CDKAL1: variants seen among roughly 807,000 people sequenced by gnomAD.
CDKAL1 encodes CDKAL1 threonylcarbamoyladenosine tRNA methylthiotransferase.
In CDKAL1, 32 loss-of-function variants were observed where a neutral mutation model predicts 68.2. The ratio of observed to expected loss-of-function variants is 0.47; its 90% CI spans 0.35 to 0.63. The LOEUF is 0.63. Ranked by LOEUF, CDKAL1 falls within the 30% of genes least tolerant of loss-of-function variation. CDKAL1 has a pLI of 0.00. For missense variants in CDKAL1, 606 were observed against 696.7 expected, an observed-to-expected ratio of 0.87 and a Z score of 1.47; for synonymous variants, 234 against 244.3, an observed-to-expected ratio of 0.96 and a Z score of 0.39.
intron 12 of CDKAL1, among the ~76,000 whole-genome samples, chr6:21,067,053 T>C (rs573513638): frequency 6.6e-6 from 1 of 152,328 alleles, no homozygotes; most frequent in African/African-American, 2.4e-5. Flanking sequence ...TCTTCTTTGC[T>C]AAAAAAGCTT....
chr6:20,974,813 T>G (rs1200994291), intron 10 of CDKAL1, among the ~76,000 whole-genome samples: 2 of 55,838 alleles, frequency 3.6e-5, no homozygotes, highest in Non-Finnish European at 8.1e-5. Context: ...ACCCAGTCTC[T>G]GCAAAAAAAA....
chr6:20,568,595 C>T (rs1413617190), intron 4 of CDKAL1, among the ~76,000 whole-genome samples: 1 of 151,698 alleles, frequency 6.6e-6, no homozygotes, highest in African/African-American at 2.4e-5. Flanking sequence ...ATTAGCCGGG[C>T]GTGGTGGCGG....
intron 12 of CDKAL1, among the ~76,000 whole-genome samples, chr6:21,104,402 C>T (rs543713478): frequency 1.2e-4 from 19 of 152,122 alleles, no homozygotes; most frequent in South Asian, 4.2e-4. Flanking sequence ...GGACTACTGC[C>T]GGAAGTAGAC....
chr6:20,596,718 A>C (rs1490522062), intron 4 of CDKAL1, among the ~76,000 whole-genome samples: 2 of 152,122 alleles, frequency 1.3e-5, no homozygotes, highest in Admixed American at 1.3e-4. Context: ...TATGTAGAAA[A>C]ACTCCTGCAG....
chr6:20,584,903 A>C (rs1765281872), intron 4 of CDKAL1, among the ~76,000 whole-genome samples: 1 of 152,144 alleles, frequency 6.6e-6, no homozygotes, highest in African/African-American at 2.4e-5. Flanking sequence ...ATCTGAGGCC[A>C]GCTCCGTTAC....
Position 20,827,125 on chromosome 6 carries a change from A to G in CDKAL1, c.639-18950A>G, listed in dbSNP as rs113948333. 4.4e-3 allele frequency among the ~76,000 whole-genome samples: 669 copies of G among 152,288 alleles called. 3 individuals carry two copies. The highest frequency in any genetic ancestry group is 0.015 in the African/African-American group (641 of 41,572). On this transcript the variant is annotated intron_variant, in intron 8 of 15. Transcript: ENST00000274695. ...TCAAAATCGTCTTTATTTCCCCAATATGTTATGACAGGTGGTATGTGTAAT... is the reference window on the plus strand; with the variant it reads ...TCAAAATCGTCTTTATTTCCCCAATGTGTTATGACAGGTGGTATGTGTAAT...
chr6:21,010,809 C>T (rs981477242), intron 11 of CDKAL1, among the ~76,000 whole-genome samples: 32 of 152,192 alleles, frequency 2.1e-4, no homozygotes, highest in African/African-American at 4.8e-4. Flanking sequence ...CAGGGCTGGG[C>T]GCGATGGTTC....
At chr6:21,044,541 A>C (rs1294375220) in intron 11 of CDKAL1, among the ~76,000 whole-genome samples, 1 of 152,216 alleles carries the variant, frequency 6.6e-6, no homozygotes, top group Non-Finnish European at 1.5e-5. Context: ...ACCCTTTCAC[A>C]GATGCCAAAA....
intron 4 of CDKAL1, among the ~76,000 whole-genome samples, chr6:20,617,988 G>A (rs953991624): frequency 5.3e-5 from 8 of 152,124 alleles, no homozygotes; most frequent in African/African-American, 1.7e-4. Context: ...TTGAGGAATC[G>A]CCACACTGTC....
At chr6:20,565,103 T>A (rs1490549570) in intron 4 of CDKAL1, among the ~76,000 whole-genome samples, 2 of 152,078 alleles carry the variant, frequency 1.3e-5, no homozygotes, top group African/African-American at 4.8e-5. Flanking sequence ...AGAAAGAGAA[T>A]ACAAGTAGGA....
chr6:20,859,381 G>A (rs1315847204), intron 9 of CDKAL1, among the ~76,000 whole-genome samples: 1 of 152,152 alleles, frequency 6.6e-6, no homozygotes, highest in Non-Finnish European at 1.5e-5. Flanking sequence ...TCCATTTCCT[G>A]CCTGACTCTA....
At chr6:20,972,607 C>T (rs1260071800) in intron 10 of CDKAL1, among the ~76,000 whole-genome samples, 1 of 152,218 alleles carries the variant, frequency 6.6e-6, no homozygotes, top group Non-Finnish European at 1.5e-5. Flanking sequence ...CAGCCCATCT[C>T]TGTTAATTCC....
intron 4 of CDKAL1, among the ~76,000 whole-genome samples, chr6:20,595,821 G>A (rs146326891): frequency 6.6e-6 from 1 of 152,226 alleles, no homozygotes; most frequent in East Asian, 1.9e-4. Context: ...TCTACCTTTG[G>A]TCTTTGATGT....
chr6:20,937,326 G>T (rs1338847277), intron 9 of CDKAL1, among the ~76,000 whole-genome samples: 1 of 152,172 alleles, frequency 6.6e-6, no homozygotes, highest in African/African-American at 2.4e-5. Context: ...GGGATCAAGT[G>T]ATCATCCCTC....
chr6:20,943,285 C>T (rs1449083981), intron 9 of CDKAL1, among the ~76,000 whole-genome samples: 5 of 146,336 alleles, frequency 3.4e-5, no homozygotes, highest in Admixed American at 1.4e-4. Flanking sequence ...TGCTTCCAGC[C>T]CCCAGTTGCT....
chr6:20,910,350 A>G (rs1762414722), intron 9 of CDKAL1, among the ~76,000 whole-genome samples: 1 of 152,236 alleles, frequency 6.6e-6, no homozygotes, highest in African/African-American at 2.4e-5. Flanking sequence ...ACCTGTGGGT[A>G]GAGGGCCAGC....
chr6:20,845,030 A>G (rs539846965), intron 8 of CDKAL1, among the ~76,000 whole-genome samples: 1 of 152,250 alleles, frequency 6.6e-6, no homozygotes, highest in Non-Finnish European at 1.5e-5. Flanking sequence ...TAAGGATCCC[A>G]TGCGAAAATT....
intron 8 of CDKAL1, among the ~76,000 whole-genome samples, chr6:20,814,112 A>G (rs1461102078): frequency 6.6e-6 from 1 of 151,978 alleles, no homozygotes; most frequent in Non-Finnish European, 1.5e-5. Context: ...AGTGTTTTGT[A>G]GTTTTTGTTA....
intron 8 of CDKAL1, among the ~76,000 whole-genome samples, chr6:20,839,648 C>T (rs1435575453): frequency 1.3e-5 from 2 of 152,060 alleles, no homozygotes; most frequent in South Asian, 2.1e-4. Flanking sequence ...TTACAGCTCT[C>T]GTCTCCAAGC....
Sources: allele counts gnomAD v4.1 joint callset (sites outside exome capture counted in the v4.1 genomes callset), GRCh38; gene constraint gnomAD v4.1.1; transcripts MANE v1.5; gene names NCBI Gene and HGNC (gene_info 2026-07-23, HGNC 2026-07-21).